Variants in CAMTA1 observed in about 807,000 individuals in gnomAD.
The protein encoded by CAMTA1 is calmodulin-binding transcription activator 1.
In CAMTA1, 27 loss-of-function variants were observed where a neutral mutation model predicts 170.9. That is an observed-to-expected ratio of 0.16 (90% CI 0.12 to 0.22). CAMTA1 has a LOEUF of 0.22. CAMTA1 is among the 10% of genes least tolerant of loss of function. The probability of loss-of-function intolerance (pLI) is 1.00; values close to 1 mark genes in which losing one functional copy is unlikely to be tolerated. For synonymous variants in CAMTA1, 833 were observed against 891.5 expected (o/e 0.93, Z 1.17); for missense variants, 1,619 against 2,217.2 (o/e 0.73, Z 5.42).
At position 7,037,447 on chromosome 1, in the gene CAMTA1, C is replaced by T. The variant is rs1703766435; in HGVS notation, c.235-53857C>T. On this transcript the variant is annotated intron_variant, in intron 3 of 22. Coordinates refer to ENST00000303635, the MANE Select transcript of CAMTA1 (RefSeq NM_015215.4). ...ATCAACGAGGCATTTGTTCCCTGCCCAGCCCCAATCTGTGCTGCTTTCTCT... is the reference window on the plus strand; with the variant it reads ...ATCAACGAGGCATTTGTTCCCTGCCTAGCCCCAATCTGTGCTGCTTTCTCT... Among the ~76,000 whole-genome samples the T allele has an allele frequency of 2.0e-5, 3 of 152,186 alleles. 1 individual carries two copies. In the South Asian group the frequency reaches 6.2e-4, roughly 31 times the overall value.
intron 7 of CAMTA1, among the ~76,000 whole-genome samples, chr1:7,648,142 C>A (rs1009893534): frequency 6.6e-6 from 1 of 152,056 alleles, no homozygotes; most frequent in Non-Finnish European, 1.5e-5. Flanking sequence ...ACCTTTAATC[C>A]CAGCACTTCG....
chr1:6,834,473 C>A, intron 3 of CAMTA1: 1 of 243,154 alleles, frequency 4.1e-6, no homozygotes, highest in Admixed American at 4.4e-5. Flanking sequence ...AGCCTTGGCA[C>A]TCCAGTTATA....
At chr1:7,553,140 T>A (rs914678309) in intron 6 of CAMTA1, among the ~76,000 whole-genome samples, 2 of 151,848 alleles carry the variant, frequency 1.3e-5, no homozygotes, top group Admixed American at 6.6e-5. Flanking sequence ...AATGAATGAG[T>A]GAATGAATGA....
intron 3 of CAMTA1, among the ~76,000 whole-genome samples, chr1:6,949,970 A>G (rs1688201073): frequency 6.6e-6 from 1 of 152,254 alleles, no homozygotes; most frequent in Non-Finnish European, 1.5e-5. Context: ...GCCAAGCCAC[A>G]CAGCAAAACG....
chr1:7,005,417 T>C (rs1698835166), intron 3 of CAMTA1, among the ~76,000 whole-genome samples: 1 of 152,238 alleles, frequency 6.6e-6, no homozygotes, highest in African/African-American at 2.4e-5. Flanking sequence ...AATCCATCTG[T>C]GAATTCATGT....
At chr1:6,906,594 A>G (rs1189776700) in intron 3 of CAMTA1, among the ~76,000 whole-genome samples, 3 of 152,144 alleles carry the variant, frequency 2.0e-5, no homozygotes. Context: ...TACCTTTAAT[A>G]ATTATTGTTC....
intron 3 of CAMTA1, among the ~76,000 whole-genome samples, chr1:7,057,148 T>C (rs1707466102): frequency 6.6e-6 from 1 of 152,168 alleles, no homozygotes; most frequent in Non-Finnish European, 1.5e-5. Flanking sequence ...GGGTCTGGGC[T>C]CCTTTCTATG....
intron 3 of CAMTA1, among the ~76,000 whole-genome samples, chr1:6,940,627 C>T (rs560981282): frequency 3.1e-4 from 47 of 152,252 alleles, no homozygotes; most frequent in Admixed American, 2.3e-3. Context: ...GTCTGTGAAT[C>T]GTTCAGCAGA....
At chr1:7,711,663 A>G (rs2096571611) in intron 11 of CAMTA1, among the ~76,000 whole-genome samples, 1 of 152,240 alleles carries the variant, frequency 6.6e-6, no homozygotes, top group African/African-American at 2.4e-5. Flanking sequence ...GTATGGTTCA[A>G]TTCCTTAGTA....
intron 6 of CAMTA1, among the ~76,000 whole-genome samples, chr1:7,509,961 C>G (rs907865701): frequency 6.6e-6 from 1 of 151,454 alleles, no homozygotes; most frequent in African/African-American, 2.4e-5. Context: ...CTCTCAGTGA[C>G]CACAACCTCT....
rs6666180 is a variant in CAMTA1 at position 6,895,419 on chromosome 1, T to C, written c.234+70209T>C. ...CTTCTTTTCTTTGCCTGGAGATCTG[T>C]CACATTTTCCTGTGTGGACTTCATG... is the stretch of plus-strand genomic sequence containing the variant. On this transcript the variant is annotated intron_variant, in intron 3 of 22. Transcript: ENST00000303635. Among the ~76,000 whole-genome samples the C allele has an allele frequency of 2.8e-3, 428 of 152,332 alleles. 1 individual carries two copies. Among genetic ancestry groups the C allele is most frequent in the Middle Eastern group, 0.01 (3 of 294 alleles).
In CAMTA1 at chr1:7,552,320, A is replaced by G. The variant is rs371205185; in HGVS notation, c.510+84419A>G. ...GCCCGGACCTCACTCAGCCCCTGCAAGGTGCCGTAAAGTGTGATGCAGAGC... is the reference window on the plus strand; with the variant it reads ...GCCCGGACCTCACTCAGCCCCTGCAGGGTGCCGTAAAGTGTGATGCAGAGC... On this transcript the variant is annotated intron_variant, in intron 6 of 22. Transcript: ENST00000303635. Among the ~76,000 whole-genome samples, 265 of 152,342 alleles carry G rather than the reference A, an allele frequency of 1.7e-3. 2 individuals are homozygous for G. The highest frequency in any genetic ancestry group is 6.2e-3 in the African/African-American group (256 of 41,576).
intron 5 of CAMTA1, among the ~76,000 whole-genome samples, chr1:7,335,331 T>G (rs1052795366): frequency 3.9e-5 from 6 of 152,186 alleles, no homozygotes; most frequent in African/African-American, 1.4e-4. Flanking sequence ...TCCTGAGAAC[T>G]GAAATTTACC....
At chr1:7,654,595 TACAC>T (rs145380920) in intron 7 of CAMTA1, among the ~76,000 whole-genome samples, 2 of 139,700 alleles carry the variant, frequency 1.4e-5, no homozygotes, top group African/African-American at 2.8e-5. Context: ...CACACAGCTA[TACAC>T]ACACACTCCT....
chr1:7,127,068 C>T (rs1644977046), intron 4 of CAMTA1, among the ~76,000 whole-genome samples: 1 of 152,026 alleles, frequency 6.6e-6, no homozygotes, highest in African/African-American at 2.4e-5. Context: ...TGTGCCGGGT[C>T]CAGGACTGCC....
intron 6 of CAMTA1, among the ~76,000 whole-genome samples, chr1:7,557,840 C>T (rs547924471): frequency 1.3e-5 from 2 of 152,236 alleles, no homozygotes; most frequent in Admixed American, 6.5e-5. Flanking sequence ...CTGGGGTGAC[C>T]GCAAGGGTCT....
intron 11 of CAMTA1, among the ~76,000 whole-genome samples, chr1:7,707,017 G>C (rs1376511997): frequency 6.6e-6 from 1 of 151,450 alleles, no homozygotes; most frequent in Non-Finnish European, 1.5e-5. Flanking sequence ...CTCCCGAGTA[G>C]CTGGGACTAC....
At chr1:7,568,320 A>G (rs1050471198) in intron 6 of CAMTA1, among the ~76,000 whole-genome samples, 1 of 135,068 alleles carries the variant, frequency 7.4e-6, no homozygotes, top group African/African-American at 3.7e-5. Flanking sequence ...ACCATCCCTC[A>G]TCAGGATCAC....
intron 6 of CAMTA1, among the ~76,000 whole-genome samples, chr1:7,508,762 G>T (rs950035047): frequency 6.6e-6 from 1 of 152,130 alleles, no homozygotes; most frequent in Non-Finnish European, 1.5e-5. Context: ...TCCTAGAATA[G>T]GAGAGGGAGC....
Sources: gnomAD v4.1 joint callset for allele counts (sites outside exome capture counted in the v4.1 genomes callset) on GRCh38, gnomAD v4.1.1 for gene constraint, MANE v1.5 for transcripts, NCBI Gene and HGNC (gene_info 2026-07-23, HGNC 2026-07-21) for gene names.